MARCHF1: variants seen among roughly 807,000 people sequenced by gnomAD.
MARCHF1 encodes E3 ubiquitin-protein ligase MARCHF1.
Under a neutral mutation model 54.2 loss-of-function variants are expected in MARCHF1, and 40 were observed. The observed-to-expected ratio is 0.74, with a 90% CI of 0.57 to 0.96. MARCHF1 has a LOEUF of 0.96. Among genes scored for constraint, MARCHF1 ranks in the 40% least tolerant of loss-of-function variants. MARCHF1 has a pLI of 0.00. For missense variants in MARCHF1, 586 were observed against 656.5 expected (o/e 0.89, Z 1.17); for synonymous variants, 236 against 236.3 (o/e 1.00, Z 0.01).
At chr4:164,030,603 C>T (rs1375893322) in intron 2 of MARCHF1, among the ~76,000 whole-genome samples, 1 of 152,112 alleles carries the variant, frequency 6.6e-6, no homozygotes, top group African/African-American at 2.4e-5. Flanking sequence ...CAACTTTGTG[C>T]TATGTCTGCT....
In MARCHF1 at chr4:164,126,200, C is replaced by T. The variant is rs571220082; in HGVS notation, c.-322-14538G>A. 8.5e-5 allele frequency among the ~76,000 whole-genome samples: 13 copies of T among 152,226 alleles called. No homozygotes were observed. In the East Asian group the frequency reaches 2.5e-3, roughly 29 times the overall value. On this transcript the variant is annotated intron_variant, in intron 1 of 9. Coordinates refer to ENST00000514618, the MANE Select transcript of MARCHF1 (RefSeq NM_001394959.1). ...AATGTGATGGTATCAGAGAGTGAGA[C>T]ATTTAGGAGGTTATTGGATCCTGAG...
chr4:164,038,101 T>C lies in MARCHF1; in HGVS notation c.-247-49392A>G, dbSNP rs114943218. Among the ~76,000 whole-genome samples, 842 of 152,318 alleles carry C rather than the reference T, an allele frequency of 5.5e-3. 4 individuals carry two copies. The highest frequency in any genetic ancestry group is 0.019 in the African/African-American group (803 of 41,568). The stretch of plus-strand genomic sequence containing the variant: ...ATATCTTGGTTGTGATGTGGTACTA[T>C]AGTTTCCAATATGTTACAATTAGAG... On this transcript the variant is annotated intron_variant, in intron 2 of 9. Coordinates refer to ENST00000514618, the MANE Select transcript of MARCHF1 (RefSeq NM_001394959.1).
chr4:164,322,751 G>A (rs1181480941), intron 1 of MARCHF1, among the ~76,000 whole-genome samples: 1 of 151,910 alleles, frequency 6.6e-6, no homozygotes, highest in Non-Finnish European at 1.5e-5. Context: ...AAAAGGATTA[G>A]CAAAGCAAAG....
At position 163,629,102 on chromosome 4, in the gene MARCHF1, C is replaced by T. The variant is rs116041021; in HGVS notation, c.163-15709G>A. ...AGAACCCATATAGACAACCCTAAGA[C>T]AATCCTAAGCAAAAGAACAAAGCTG... On this transcript the variant is annotated intron_variant, in intron 5 of 9. Transcript: ENST00000514618. 5.1e-3 allele frequency among the ~76,000 whole-genome samples: 779 copies of T among 152,226 alleles called. 9 individuals carry two copies. Among genetic ancestry groups the T allele is most frequent in the African/African-American group, 0.018 (744 of 41,526 alleles).
At chr4:163,689,393 TA>T (rs1744370774) in intron 5 of MARCHF1, among the ~76,000 whole-genome samples, 1 of 152,222 alleles carries the variant, frequency 6.6e-6, no homozygotes, top group African/African-American at 2.4e-5. Context: ...TCTAGAGAAG[TA>T]ATATCTGTCT....
At chr4:163,960,605 T>C (rs1361470146) in intron 3 of MARCHF1, among the ~76,000 whole-genome samples, 1 of 151,762 alleles carries the variant, frequency 6.6e-6, no homozygotes, top group Non-Finnish European at 1.5e-5. Flanking sequence ...AGCTAAATGA[T>C]GGAACTCATG....
At chr4:164,266,490 G>A (rs558059395) in intron 1 of MARCHF1, among the ~76,000 whole-genome samples, 1 of 152,242 alleles carries the variant, frequency 6.6e-6, no homozygotes, top group African/African-American at 2.4e-5. Flanking sequence ...ACAAGTAAAT[G>A]TTTGCCTATG....
At chr4:163,620,606 C>CACACAGAG (rs1282901525) in intron 5 of MARCHF1, among the ~76,000 whole-genome samples, 2 of 56,870 alleles carry the variant, frequency 3.5e-5, no homozygotes, top group East Asian at 5.3e-4. Flanking sequence ...CACACACACA[C>CACACAGAG]AGAGAGAGAG....
intron 1 of MARCHF1, among the ~76,000 whole-genome samples, chr4:164,282,949 T>C (rs1226870873): frequency 6.6e-6 from 1 of 151,286 alleles, no homozygotes; most frequent in Non-Finnish European, 1.5e-5. Context: ...TTGCATTATA[T>C]ACCTGCCTCT....
chr4:164,136,619 G>A lies in MARCHF1; in HGVS notation c.-322-24957C>T, dbSNP rs1188365002. Among the ~76,000 whole-genome samples the A allele has an allele frequency of 2.0e-5, 3 of 152,136 alleles. No homozygotes were observed. In the South Asian group the frequency reaches 6.2e-4, roughly 32 times the overall value. On this transcript the variant is annotated intron_variant, in intron 1 of 9. Coordinates refer to ENST00000514618, the MANE Select transcript of MARCHF1 (RefSeq NM_001394959.1). ...CTGTGTATCTTACTCAGCAATTCAG[G>A]AACTCATCAGAAGGCTGCTTGGGAC...
intron 1 of MARCHF1, among the ~76,000 whole-genome samples, chr4:164,138,783 T>C (rs1317272786): frequency 6.6e-6 from 1 of 152,100 alleles, no homozygotes; most frequent in East Asian, 1.9e-4. Flanking sequence ...CTGGGAGAAG[T>C]TTCCAGCAAT....
intron 1 of MARCHF1, among the ~76,000 whole-genome samples, chr4:164,193,817 T>C (rs927793295): frequency 5.1e-4 from 77 of 152,202 alleles, no homozygotes; most frequent in African/African-American, 1.9e-3. Context: ...GTCCAATGTT[T>C]GTCAGATAAT....
intron 3 of MARCHF1, among the ~76,000 whole-genome samples, chr4:163,938,119 T>C (rs977032038): frequency 1.3e-5 from 2 of 152,138 alleles, no homozygotes; most frequent in Admixed American, 1.3e-4. Context: ...AGTGATAAAG[T>C]GCATGAATAA....
intron 4 of MARCHF1, 78 bp downstream of exon 4, chr4:163,853,943 T>C: frequency 8.0e-7 from 1 of 1,246,102 alleles, no homozygotes; most frequent in African/African-American, 1.5e-5. Context: ...CATTTACTTA[T>C]AAGGTCATCC....
intron 2 of MARCHF1, among the ~76,000 whole-genome samples, chr4:164,086,740 G>GTT (rs1755199669): frequency 6.6e-6 from 1 of 151,980 alleles, no homozygotes; most frequent in African/African-American, 2.4e-5. Flanking sequence ...AGGGGTGTCA[G>GTT]TTATTCCGAA....
intron 3 of MARCHF1, among the ~76,000 whole-genome samples, chr4:163,929,347 T>A (rs1047523858): frequency 2.0e-5 from 3 of 152,018 alleles, no homozygotes; most frequent in African/African-American, 7.2e-5. Context: ...GCAAAGCACT[T>A]AAAGCAGTGC....
chr4:163,828,107 T>G (rs990521870), intron 4 of MARCHF1, among the ~76,000 whole-genome samples: 21 of 151,910 alleles, frequency 1.4e-4, no homozygotes, highest in African/African-American at 5.1e-4. Context: ...TTCATCCTGG[T>G]TGAAAACGTA....
chr4:163,836,161 G>A (rs1289464212), intron 4 of MARCHF1, among the ~76,000 whole-genome samples: 3 of 152,088 alleles, frequency 2.0e-5, no homozygotes, highest in African/African-American at 4.8e-5. Flanking sequence ...GTAAGTGGAA[G>A]GAGCTGGCTT....
At chr4:164,097,920 A>C (rs1002619759) in intron 2 of MARCHF1, among the ~76,000 whole-genome samples, 1 of 152,168 alleles carries the variant, frequency 6.6e-6, no homozygotes, top group African/African-American at 2.4e-5. Context: ...GGCTGGCTTC[A>C]TGGTGGAACA....
Sources: gnomAD v4.1 joint callset for allele counts (sites outside exome capture counted in the v4.1 genomes callset) on GRCh38, gnomAD v4.1.1 for gene constraint, MANE v1.5 for transcripts, NCBI Gene and HGNC (gene_info 2026-07-23, HGNC 2026-07-21) for gene names.